AGL: variants seen among roughly 807,000 people sequenced by gnomAD.
AGL encodes the protein amylo-alpha-1,6-glucosidase and 4-alpha-glucanotransferase, also known as glycogen debranching enzyme.
A neutral mutation model predicts 199.3 loss-of-function variants in AGL; 128 were observed. The ratio of observed to expected loss-of-function variants is 0.64; its 90% CI spans 0.56 to 0.74. The LOEUF (loss-of-function observed/expected upper bound fraction) is 0.74, where lower values mean the gene tolerates loss of function less well. AGL is among the 30% of genes least tolerant of loss of function. The pLI is 0.00. For synonymous variants in AGL, 584 were observed against 594.7 expected (o/e 0.98, Z 0.26); for missense variants, 1,809 against 1,820.8 (o/e 0.99, Z 0.12).
In AGL at chr1:99,851,083, A is replaced by C; in HGVS notation, c.41A>C (p.Glu14Ala). 1 of 1,614,172 alleles carries C rather than the reference A, an allele frequency of 6.2e-7. No individual in the cohort carries two copies. The highest frequency in any genetic ancestry group is 1.1e-5 in the South Asian group (1 of 91,086). Residue 14 changes from glutamate to alanine, a missense_variant, in exon 2 of 34, where the codon GAA becomes GCA. Physicochemically the swap from Glu to Ala is moderately radical, Grantham distance 107. Coordinates refer to ENST00000361915, the MANE Select transcript of AGL (RefSeq NM_000642.3). ...CAGATTCGAATTTTACTTCTGAACGAAATGGAGAAACTGGAAAAGACCCTC... is the reference window on the plus strand; with the variant it reads ...CAGATTCGAATTTTACTTCTGAACGCAATGGAGAAACTGGAAAAGACCCTC... ...SKQIRILLLN[E>A]MEKLEKTLFR...
chr1:99,873,405 T>C (rs1571248606), intron 7 of AGL, among the ~76,000 whole-genome samples: 2 of 151,996 alleles, frequency 1.3e-5, no homozygotes, highest in East Asian at 1.9e-4. Flanking sequence ...TAGCTTTTTC[T>C]CTTTTTCAAA....
At chr1:99,877,084 G>A (rs1342558884) in intron 11 of AGL, among the ~76,000 whole-genome samples, 1 of 152,142 alleles carries the variant, frequency 6.6e-6, no homozygotes, top group Non-Finnish European at 1.5e-5. Flanking sequence ...GAAGAATGTT[G>A]CAGGAGCCCA....
chr1:99,875,578 G>C, intron 10 of AGL, 123 bp downstream of exon 10: 1 of 897,118 alleles, frequency 1.1e-6, no homozygotes. Flanking sequence ...AATTGAAATA[G>C]AAGTTTTGAT....
chr1:99,874,736 T>A lies in AGL; in HGVS notation c.1008T>A (p.Ile336=). 6.2e-7 allele frequency: 1 copy of A among 1,601,128 alleles called. No individual in the cohort carries two copies. The highest frequency in any genetic ancestry group is 1.1e-5 in the South Asian group (1 of 90,792). The change falls in exon 8 of 34, where the codon ATT becomes ATA. Residue 336 remains isoleucine (I), a synonymous_variant. Coordinates refer to ENST00000361915, the MANE Select transcript of AGL (RefSeq NM_000642.3). The part of the protein sequence containing the change: ...KSDPNQHLTI[I]QDPEYRRFGC... ...ATCCAAACCAACACCTTACGATTAT[T>A]CAAGATCCTGAATACAGACGGTTTG...
chr1:99,879,340 A>G (rs999517252), intron 12 of AGL, among the ~76,000 whole-genome samples: 4 of 151,188 alleles, frequency 2.6e-5, no homozygotes, highest in Non-Finnish European at 5.9e-5. Context: ...TAATCCCAAC[A>G]CTTTTAGGCT....
At chr1:99,883,163 C>A (rs545188988) in intron 17 of AGL, among the ~76,000 whole-genome samples, 1 of 152,152 alleles carries the variant, frequency 6.6e-6, no homozygotes, top group East Asian at 1.9e-4. Context: ...GTTAAATATA[C>A]AGTAAGGATA....
chr1:99,858,493 C>T (rs1649764672), intron 2 of AGL, among the ~76,000 whole-genome samples: 1 of 152,150 alleles, frequency 6.6e-6, no homozygotes. Context: ...GGAAAGCAGC[C>T]ATAGGCAAAC....
At chr1:99,877,516 A>G in intron 11 of AGL, 125 bp from the exon 12 acceptor site, 2 of 823,086 alleles carry the variant, frequency 2.4e-6, no homozygotes, top group Non-Finnish European at 4.0e-6. Context: ...CACTTTAGAT[A>G]TAATTTAACC....
chr1:99,870,611 A>C, intron 6 of AGL, 30 bp downstream of exon 6: 1 of 1,611,630 alleles, frequency 6.2e-7, no homozygotes, highest in Non-Finnish European at 8.5e-7. Flanking sequence ...TATCACACTA[A>C]AACAGAAAAA....
chr1:99,899,010 T>C (rs1653574439), intron 25 of AGL, among the ~76,000 whole-genome samples: 1 of 152,084 alleles, frequency 6.6e-6, no homozygotes, highest in African/African-American at 2.4e-5. Context: ...TTTGGGAGCC[T>C]GAGGCGGGCA....
Position 99,876,563 on chromosome 1 carries a change from G to C in AGL, c.1389G>C (p.Met463Ile). The part of the protein sequence containing the change: ...CFLMAHNGWV[M>I]GDDPLRNFAE... ...TGATGGCACACAATGGATGGGTAAT[G>C]GGAGATGATCCTCTTCGAAACTTTG... Residue 463 changes from methionine (M) to isoleucine (I), a missense_variant, in exon 11 of 34, where the codon ATG becomes ATC. Physicochemically the swap from Met to Ile is conservative, Grantham distance 10. Transcript: ENST00000361915. 1.2e-6 allele frequency: 2 copies of C among 1,614,002 alleles called. No homozygotes were observed. The highest frequency in any genetic ancestry group is 1.7e-6 in the Non-Finnish European group (2 of 1,179,964).
rs766185736 is a variant in AGL, at chr1:99,915,385, C to G, written c.4162-4C>G. ...TTTGTATATTTGTTTTTGGCATTCA[C>G]TAGGCCCCTGAGCTCTTTACTACAG... On this transcript the variant is annotated splice_polypyrimidine_tract_variant and splice_region_variant and intron_variant, in intron 30 of 33. Transcript: ENST00000361915. 29 of 1,612,232 alleles carry G rather than the reference C, an allele frequency of 1.8e-5. No individual in the cohort carries two copies. The highest frequency in any genetic ancestry group is 2.3e-5 in the Non-Finnish European group (27 of 1,178,624).
At chr1:99,856,355 C>T (rs1649445495) in intron 2 of AGL, among the ~76,000 whole-genome samples, 1 of 103,416 alleles carries the variant, frequency 9.7e-6, no homozygotes, top group Non-Finnish European at 2.2e-5. Context: ...TCCCTCCCTC[C>T]CTCCCTCCCT....
In AGL at chr1:99,859,847, TC is replaced by T. The variant is rs141087422; in HGVS notation, c.83-1655del. ...GTGAGCTACTGTGCCTGGCCAAATG[TC>T]TTTTGATAACATGATTTATAATGGC... is the stretch of plus-strand genomic sequence containing the variant. On this transcript the variant is annotated intron_variant, in intron 2 of 33. Transcript: ENST00000361915. 1.9e-3 allele frequency among the ~76,000 whole-genome samples: 289 copies of T among 152,366 alleles called. 2 individuals carry two copies. The highest frequency in any genetic ancestry group is 6.5e-3 in the African/African-American group (271 of 41,586).
intron 3 of AGL, among the ~76,000 whole-genome samples, chr1:99,862,041 ATT>A (rs1650082350): frequency 6.6e-6 from 1 of 152,174 alleles, no homozygotes; most frequent in African/African-American, 2.4e-5. Context: ...ATTCTTGGAT[ATT>A]TTGTGTATTA....
At chr1:99,882,136 C>CAAAA (rs761262994) in intron 17 of AGL, among the ~76,000 whole-genome samples, 2 of 60,546 alleles carry the variant, frequency 3.3e-5, no homozygotes, top group Non-Finnish European at 3.5e-5. Flanking sequence ...GACCCTATCT[C>CAAAA]AAAAAAAAAA....
At chr1:99,849,513 CT>C (rs1284480311), upstream of AGL, among the ~76,000 whole-genome samples, 1 of 152,108 alleles carries the variant, frequency 6.6e-6, no homozygotes, top group Non-Finnish European at 1.5e-5. Context: ...CCGGGTCTAT[CT>C]AGTGTACATG....
chr1:99,906,715 T>C (rs751937795), intron 27 of AGL, among the ~76,000 whole-genome samples: 6 of 152,242 alleles, frequency 3.9e-5, no homozygotes, highest in Non-Finnish European at 2.9e-5. Flanking sequence ...AGGATTCCCT[T>C]CTTTTTCAAG....
At chr1:99,866,945 A>G (rs1400421504) in intron 5 of AGL, among the ~76,000 whole-genome samples, 1 of 151,936 alleles carries the variant, frequency 6.6e-6, no homozygotes, top group Non-Finnish European at 1.5e-5. Flanking sequence ...CAGCCTCCCA[A>G]GTAGCTGGGA....
Sources: allele counts gnomAD v4.1 joint callset (sites outside exome capture counted in the v4.1 genomes callset), GRCh38; gene constraint gnomAD v4.1.1; transcripts MANE v1.5; gene names NCBI Gene and HGNC (gene_info 2026-07-23, HGNC 2026-07-21).